The following SLC7A1 variants were observed in gnomAD, a reference collection of about 807,000 sequenced individuals.
SLC7A1 encodes solute carrier family 7 member 1.
Under a neutral mutation model 53.9 loss-of-function variants are expected in SLC7A1, and 10 were observed. The ratio of observed to expected loss-of-function variants is 0.19; its 90% CI spans 0.11 to 0.31. The LOEUF is 0.31. Ranked by LOEUF, SLC7A1 falls within the 10% of genes least tolerant of loss-of-function variation. The probability of loss-of-function intolerance (pLI) is 1.00; values close to 1 mark genes in which losing one functional copy is unlikely to be tolerated. For missense variants in SLC7A1, 525 were observed against 827.2 expected, an observed-to-expected ratio of 0.63 and a Z score of 4.48; for synonymous variants, 342 against 338.7, an observed-to-expected ratio of 1.01 and a Z score of -0.11.
intron 1 of SLC7A1, among the ~76,000 whole-genome samples, chr13:29,576,293 T>TTTTAAAAAAAAAAAAA (rs552407983): frequency 4.0e-5 from 5 of 124,954 alleles, no homozygotes; most frequent in African/African-American, 1.8e-4. Flanking sequence ...TCCTGTTTTT[T>TTTTAAAAAAAAAAAAA]AAAAAAAAAA....
chr13:29,517,703 G>C lies in SLC7A1; in HGVS notation c.1380C>G (p.Ser460Arg). Residue 460 changes from serine to arginine, a missense_variant, in exon 10 of 13, where the codon AGC becomes AGG. Around this residue, in one of 4 missense-constraint regions of SLC7A1, gnomAD observed 122 missense variants for 140.9 expected, o/e 0.87. Coordinates refer to ENST00000380752, the MANE Select transcript of SLC7A1 (RefSeq NM_003045.5). Reference sequence around the variant, plus strand: ...AAAAGCCCAGCTGGGAATCATTGGTGCTTGCCAATTCATTTTGGTCTGCTG... The same window carrying C: ...AAAAGCCCAGCTGGGAATCATTGGTCCTTGCCAATTCATTTTGGTCTGCTG... Reference protein sequence around the residue: ...LDPADQNELASTNDSQLGFLP... With the variant: ...LDPADQNELARTNDSQLGFLP... The C allele has an allele frequency of 6.2e-7, 1 of 1,614,194 alleles. No individual in the cohort carries two copies. Among genetic ancestry groups the C allele is most frequent in the Non-Finnish European group, 8.5e-7 (1 of 1,180,008 alleles).
At chr13:29,553,739 C>T (rs191351285) in intron 2 of SLC7A1, 22 bp downstream of exon 2, 34 of 152,314 alleles carry the variant, frequency 2.2e-4, no homozygotes, top group African/African-American at 7.0e-4. Flanking sequence ...ATTCTGCTGT[C>T]GTGCTGACAG....
At chr13:29,519,580 A>C (rs757760884) in intron 8 of SLC7A1, 31 bp from the exon 9 acceptor site, 12 of 1,375,292 alleles carry the variant, frequency 8.7e-6, no homozygotes, top group Non-Finnish European at 1.0e-5. Context: ...GGATCTGTGG[A>C]GGGCCATCTG....
At chr13:29,528,589 T>C (rs1229432190) in intron 5 of SLC7A1, among the ~76,000 whole-genome samples, 5 of 152,036 alleles carry the variant, frequency 3.3e-5, no homozygotes, top group Admixed American at 6.5e-5. Context: ...CAAGACTACA[T>C]GGCTGTTGTC....
chr13:29,591,123 A>AT (rs1555295190), intron 1 of SLC7A1, among the ~76,000 whole-genome samples: 1 of 151,810 alleles, frequency 6.6e-6, no homozygotes, highest in Non-Finnish European at 1.5e-5. Context: ...ATATATATAT[A>AT]TTTTTCTCCC....
intron 2 of SLC7A1, among the ~76,000 whole-genome samples, chr13:29,545,539 A>G (rs1322975684): frequency 6.6e-6 from 1 of 152,256 alleles, no homozygotes; most frequent in Non-Finnish European, 1.5e-5. Context: ...AAACGCCCAG[A>G]AAACAGAACT....
rs1322745888 is a variant in SLC7A1, at chr13:29,512,415, A to G, written c.*2065T>C. ...GTCAAATGTCAACTCTAAATAGTCT[A>G]TTGGGTGCTGTCTTGCACGGAAATC... is the stretch of plus-strand genomic sequence containing the variant. On this transcript the variant is annotated 3_prime_UTR_variant, in exon 13 of 13. Transcript: ENST00000380752. 1 of 152,238 alleles carries G rather than the reference A, an allele frequency of 6.6e-6. No homozygotes were observed. The highest frequency in any genetic ancestry group is 2.4e-5 in the African/African-American group (1 of 41,472). 9.4% of individuals were successfully genotyped at this position (152,238 alleles called of 1,614,324 possible).
intron 2 of SLC7A1, among the ~76,000 whole-genome samples, chr13:29,545,564 T>G (rs922120798): frequency 1.3e-5 from 2 of 152,246 alleles, no homozygotes; most frequent in Non-Finnish European, 2.9e-5. Context: ...GCTCTTCAAA[T>G]GCAAAGAACC....
chr13:29,576,292 T>TAAAAAAAAAAAAAAAAAAAAAAAAAAAA (rs146432104), intron 1 of SLC7A1, among the ~76,000 whole-genome samples: 17 of 107,164 alleles, frequency 1.6e-4, no homozygotes, highest in African/African-American at 7.4e-4. Context: ...ATCCTGTTTT[T>TAAAAAAAAAAAAAAAAAAAAAAAAAAAA]TAAAAAAAAA....
intron 12 of SLC7A1, among the ~76,000 whole-genome samples, chr13:29,514,968 G>A (rs1262872463): frequency 1.3e-5 from 2 of 152,188 alleles, no homozygotes; most frequent in African/African-American, 4.8e-5. Context: ...GGTGCTGGAG[G>A]TCTCCAGGCT....
chr13:29,532,357 G>A (rs1869200929), intron 4 of SLC7A1, among the ~76,000 whole-genome samples: 1 of 152,208 alleles, frequency 6.6e-6, no homozygotes, highest in Non-Finnish European at 1.5e-5. Flanking sequence ...TTTGATGGTT[G>A]TTAGGTGTAA....
At chr13:29,575,166 C>T (rs1165038614) in intron 1 of SLC7A1, among the ~76,000 whole-genome samples, 1 of 152,180 alleles carries the variant, frequency 6.6e-6, no homozygotes, top group African/African-American at 2.4e-5. Context: ...TTTTTCTAGG[C>T]CCCTTTGTGT....
At chr13:29,552,463 C>T (rs529230583) in intron 2 of SLC7A1, among the ~76,000 whole-genome samples, 3 of 152,238 alleles carry the variant, frequency 2.0e-5, no homozygotes, top group African/African-American at 7.2e-5. Context: ...CAAAAACTGG[C>T]CCCAAAACTG....
chr13:29,567,441 G>C (rs1871016786), intron 1 of SLC7A1, among the ~76,000 whole-genome samples: 1 of 152,156 alleles, frequency 6.6e-6, no homozygotes, highest in African/African-American at 2.4e-5. Flanking sequence ...AAGGCCATCA[G>C]GGCTCACTAC....
intron 2 of SLC7A1, among the ~76,000 whole-genome samples, chr13:29,548,249 C>T (rs1055342678): frequency 6.6e-6 from 1 of 152,230 alleles, no homozygotes; most frequent in African/African-American, 2.4e-5. Context: ...GAGTAGTTCA[C>T]AGGCTATTCA....
At chr13:29,582,799 T>C (rs1871703778) in intron 1 of SLC7A1, among the ~76,000 whole-genome samples, 1 of 152,216 alleles carries the variant, frequency 6.6e-6, no homozygotes, top group African/African-American at 2.4e-5. Context: ...AAAGGCACTA[T>C]TACATTATGC....
rs1883388230 is a variant in SLC7A1 at position 29,511,506 on chromosome 13, G to A, written c.*2974C>T. 1.3e-5 allele frequency: 2 copies of A among 152,286 alleles called. No individual in the cohort carries two copies. The highest frequency in any genetic ancestry group is 4.8e-5 in the African/African-American group (2 of 41,460). The allele number at this position is 152,286 out of a possible 1,614,324, so 9.4% of individuals were successfully genotyped here. ...TGGACAAGGGTGTGTGAGCAGGGAT[G>A]ATAAGTAGAGTGGGGGGTGTGTAGA... On this transcript the variant is annotated 3_prime_UTR_variant, in exon 13 of 13. Transcript: ENST00000380752.
chr13:29,534,804 GAAA>G (rs3837578), intron 3 of SLC7A1, among the ~76,000 whole-genome samples: 127,214 of 151,592 alleles, frequency 0.84, 54,736 homozygotes, highest in Non-Finnish European at 0.94. Context: ...AAAAGTTTGA[GAAA>G]AAAAAAAATA....
At chr13:29,578,368 C>T (rs893359798) in intron 1 of SLC7A1, among the ~76,000 whole-genome samples, 9 of 152,178 alleles carry the variant, frequency 5.9e-5, no homozygotes, top group African/African-American at 2.2e-4. Flanking sequence ...AGTGGCACAG[C>T]TGAGTGTGCT....
Sources: gnomAD v4.1 joint callset for allele counts (sites outside exome capture counted in the v4.1 genomes callset) on GRCh38, gnomAD v4.1.1 for gene constraint, gnomAD v4.1.1 regional missense constraint, MANE v1.5 for transcripts, NCBI Gene and HGNC (gene_info 2026-07-23, HGNC 2026-07-21) for gene names.